The following DEPDC4 variants were observed in gnomAD, a reference collection of about 807,000 sequenced individuals.
The protein encoded by DEPDC4 is DEP domain-containing protein 4.
Under a neutral mutation model 52.0 loss-of-function variants are expected in DEPDC4, and 52 were observed. The ratio of observed to expected loss-of-function variants is 1.00; its 90% CI spans 0.80 to 1.26. The LOEUF is 1.26. DEPDC4 is among the 50% of genes most tolerant of loss of function. The pLI is 0.00. For synonymous variants in DEPDC4, 201 were observed against 196.8 expected (o/e 1.02, Z -0.18); for missense variants, 530 against 546.9 (o/e 0.97, Z 0.31).
At chr12:100,234,664 A>C (rs2096138824) in intron 9 of DEPDC4, among the ~76,000 whole-genome samples, 1 of 152,106 alleles carries the variant, frequency 6.6e-6, no homozygotes, top group South Asian at 2.1e-4. Flanking sequence ...ATAATCTAAG[A>C]AGTTTAAACA....
chr12:100,260,874 C>T (rs1047407088), intron 3 of DEPDC4, among the ~76,000 whole-genome samples: 1 of 150,004 alleles, frequency 6.7e-6, no homozygotes, highest in Non-Finnish European at 1.5e-5. Flanking sequence ...TCTGCCTGGG[C>T]GAAAGAGTGA....
chr12:100,247,495 C>G (rs577058001), intron 8 of DEPDC4, among the ~76,000 whole-genome samples: 1 of 152,008 alleles, frequency 6.6e-6, no homozygotes. Context: ...CATGAGCCAC[C>G]GCACCCAGCC....
chr12:100,266,768 C>T (rs756020709), intron 1 of DEPDC4, 152 bp downstream of exon 1: 1 of 1,060,382 alleles, frequency 9.4e-7, no homozygotes. Context: ...AGTCCTGGGT[C>T]CCCCAGTCCA....
upstream of DEPDC4, among the ~76,000 whole-genome samples, chr12:100,270,048 G>T (rs367785949): frequency 4.0e-5 from 6 of 150,884 alleles, no homozygotes; most frequent in East Asian, 5.8e-4. Flanking sequence ...GTGCCGTGGC[G>T]CGATCTCGGC....
chr12:100,247,032 T>G (rs551237471), intron 8 of DEPDC4, among the ~76,000 whole-genome samples: 1 of 152,100 alleles, frequency 6.6e-6, no homozygotes, highest in Non-Finnish European at 1.5e-5. Context: ...AATTTAAAGT[T>G]GTTTACTGAT....
At position 100,241,265 on chromosome 12, in the gene DEPDC4, G is replaced by T. The variant is rs948916004; in HGVS notation, c.*627C>A. Among the ~76,000 whole-genome samples, 2 of 152,086 alleles carry T rather than the reference G, an allele frequency of 1.3e-5. No individual in the cohort carries two copies. The highest frequency in any genetic ancestry group is 2.9e-5 in the Non-Finnish European group (2 of 68,032). ...TAACTGTACTAGATCCCTAATAATA[G>T]CAGCACATTTATTAAGTGATTTTAG... is the stretch of plus-strand genomic sequence containing the variant. On this transcript the variant is annotated 3_prime_UTR_variant, in exon 10 of 10. Coordinates refer to ENST00000550587, the MANE Select transcript of DEPDC4 (RefSeq NM_001364818.2).
At chr12:100,256,925 G>A (rs1176772358) in intron 3 of DEPDC4, among the ~76,000 whole-genome samples, 1 of 152,032 alleles carries the variant, frequency 6.6e-6, no homozygotes, top group Non-Finnish European at 1.5e-5. Context: ...ACAGGCGTGA[G>A]TCACTGCGCC....
chr12:100,254,205 G>A (rs2096221456), intron 4 of DEPDC4, among the ~76,000 whole-genome samples: 1 of 151,704 alleles, frequency 6.6e-6, no homozygotes, highest in South Asian at 2.1e-4. Context: ...GACTCCTTTG[G>A]AAGGCCTTCA....
chr12:100,231,959 A>T (rs1278676640), intron 9 of DEPDC4, among the ~76,000 whole-genome samples: 1 of 152,032 alleles, frequency 6.6e-6, no homozygotes, highest in Non-Finnish European at 1.5e-5. Flanking sequence ...AAAAAAAAAG[A>T]ATTATTAGGA....
chr12:100,260,726 A>T (rs529658936), intron 3 of DEPDC4, among the ~76,000 whole-genome samples: 25 of 151,374 alleles, frequency 1.7e-4, no homozygotes, highest in African/African-American at 5.8e-4. Context: ...TAATACAAAA[A>T]ATAAATAAAT....
At chr12:100,236,279 T>C (rs1392920613), downstream of DEPDC4, among the ~76,000 whole-genome samples, 2 of 152,212 alleles carry the variant, frequency 1.3e-5, no homozygotes, top group East Asian at 1.9e-4. Context: ...CCGTTTTCCA[T>C]AGTGGCTGTA....
downstream of DEPDC4, chr12:100,238,105 A>T (rs938282665): frequency 1.0e-6 from 1 of 973,884 alleles, no homozygotes; most frequent in African/African-American, 1.8e-5. Flanking sequence ...AAGTATACTA[A>T]CTTCCTCCCC....
chr12:100,265,381 A>G (rs1233302423), intron 1 of DEPDC4, among the ~76,000 whole-genome samples: 2 of 152,178 alleles, frequency 1.3e-5, no homozygotes, highest in East Asian at 1.9e-4. Flanking sequence ...GGAGGTCAGG[A>G]GTTCAAGACC....
At chr12:100,233,447 CATA>C (rs1276620302) in intron 9 of DEPDC4, among the ~76,000 whole-genome samples, 1 of 152,132 alleles carries the variant, frequency 6.6e-6, no homozygotes, top group Non-Finnish European at 1.5e-5. Context: ...TTTCAGATGC[CATA>C]ATAAAATAGT....
chr12:100,267,087 C>T (rs996073646), upstream of DEPDC4: 1 of 1,611,436 alleles, frequency 6.2e-7, no homozygotes, highest in Non-Finnish European at 8.5e-7. Flanking sequence ...AGCCCCGCCC[C>T]ACCTGACACC....
the DEPDC4 span, among the ~76,000 whole-genome samples, chr12:100,276,535 C>T: frequency 6.6e-6 from 1 of 152,018 alleles, no homozygotes; most frequent in African/African-American, 2.4e-5. Context: ...ACAGGGTCTC[C>T]TTATGTTGCT....
rs901456047 is a variant in DEPDC4 at position 100,240,732 on chromosome 12, C to T, written c.*1160G>A. ...AGAGAAATCACAGTTTTGATGTTTA[C>T]GAATTTTTAATTTGTGGCCTTTTAA... On this transcript the variant is annotated 3_prime_UTR_variant, in exon 10 of 10. Coordinates refer to ENST00000550587, the MANE Select transcript of DEPDC4 (RefSeq NM_001364818.2). Among the ~76,000 whole-genome samples the T allele has an allele frequency of 5.9e-5, 9 of 152,150 alleles. No homozygotes were observed. Among genetic ancestry groups the T allele is most frequent in the South Asian group, 2.1e-4 (1 of 4,832 alleles).
At position 100,253,641 on chromosome 12, in the gene DEPDC4, T is replaced by G. The variant is rs1219181374; in HGVS notation, c.953A>C (p.Gln318Pro). Reference protein sequence around the residue: ...FPDQLIVTVSQQLMQNRNEET... With the variant: ...FPDQLIVTVSPQLMQNRNEET... ...TTCATTTCTGTTTTGCATTAACTGC[T>G]GACTAACTGTAACTATTAACTGGTC... is the stretch of plus-strand genomic sequence containing the variant. The change falls in exon 5 of 10, where the codon CAG (glutamine) becomes CCG (proline). Residue 318 changes from glutamine (Q) to proline (P), a missense_variant. By Grantham distance (76) the Gln-to-Pro change is moderately conservative (BLOSUM62 -1). Coordinates refer to ENST00000550587, the MANE Select transcript of DEPDC4 (RefSeq NM_001364818.2). The G allele has an allele frequency of 7.8e-7, 1 of 1,289,792 alleles. No homozygotes were observed. Among genetic ancestry groups the G allele is most frequent in the East Asian group, 5.5e-5 (1 of 18,038 alleles). The allele number at this position is 1,289,792 out of a possible 1,614,324, so 79.9% of individuals were successfully genotyped here.
Position 100,241,495 on chromosome 12 carries a change from C to T in DEPDC4, c.*397G>A, listed in dbSNP as rs146838430. On this transcript the variant is annotated 3_prime_UTR_variant, in exon 10 of 10. Transcript: ENST00000550587. ...GGAGGATGACTTGAGGCCAGGAGTT[C>T]GAGACCAGCCTGGGCAACATAATAG... 443 of 269,944 alleles carry T rather than the reference C, an allele frequency of 1.6e-3. 10 individuals are homozygous for T. In the East Asian group the frequency reaches 0.041, roughly 25 times the overall value. 16.7% of individuals were successfully genotyped at this position (269,944 alleles called of 1,614,324 possible).
Sources: gnomAD v4.1 joint callset for allele counts (sites outside exome capture counted in the v4.1 genomes callset) on GRCh38, gnomAD v4.1.1 for gene constraint, MANE v1.5 for transcripts, NCBI Gene and HGNC (gene_info 2026-07-23, HGNC 2026-07-21) for gene names.